TSHZ3: variants seen among roughly 807,000 people sequenced by gnomAD.
TSHZ3 encodes the protein teashirt homolog 3.
TSHZ3 carries 10 observed loss-of-function variants against 64.5 expected under a neutral mutation model. The observed-to-expected ratio is 0.16, with a 90% CI of 0.10 to 0.26. The LOEUF (loss-of-function observed/expected upper bound fraction) is 0.26, where lower values mean the gene tolerates loss of function less well. TSHZ3 is among the 10% of genes least tolerant of loss of function. The pLI is 1.00. For missense variants in TSHZ3, 1,242 were observed against 1,421.7 expected (o/e 0.87, Z 2.03); for synonymous variants, 608 against 593.1 (o/e 1.03, Z -0.36).
In TSHZ3 at chr19:31,300,568, G is replaced by A. The variant is rs142213714; in HGVS notation, c.41-20816C>T. Reference sequence around the variant, plus strand: ...CCTAGGGAGGGATGGCCCCAGGAGAGCTGGCCCAGGTCCAGGCCTCTCTAA... The same window carrying A: ...CCTAGGGAGGGATGGCCCCAGGAGAACTGGCCCAGGTCCAGGCCTCTCTAA... On this transcript the variant is annotated intron_variant, in intron 1 of 1. Coordinates refer to ENST00000240587, the MANE Select transcript of TSHZ3 (RefSeq NM_020856.4). 1.8e-4 allele frequency among the ~76,000 whole-genome samples: 27 copies of A among 152,296 alleles called. No homozygotes were observed. In the East Asian group the frequency reaches 4.2e-3, roughly 24 times the overall value.
At chr19:31,343,785 G>GT (rs5827763) in intron 1 of TSHZ3, among the ~76,000 whole-genome samples, 2,077 of 128,666 alleles carry the variant, frequency 0.016, 45 homozygotes, top group African/African-American at 0.053. Flanking sequence ...TTTTTTTTTT[G>GT]TTTTTTTTTT....
In TSHZ3 at chr19:31,180,859, C is replaced by A. The variant is rs149739063; in HGVS notation, n.809+24097G>T. ...TCCTGTGCAGAGGCTCACGCTGGGG[C>A]AGGCATGTAATTCTGTATCTACTAC... is the stretch of plus-strand genomic sequence containing the variant. On this transcript the variant is annotated intron_variant and non_coding_transcript_variant, in intron 5 of 6. Transcript: ENST00000651361. Among the ~76,000 whole-genome samples the A allele has an allele frequency of 7.9e-3, 1,209 of 152,282 alleles. 16 individuals are homozygous for A. Among genetic ancestry groups the A allele is most frequent in the African/African-American group, 0.026 (1,085 of 41,550 alleles).
intron 1 of TSHZ3, among the ~76,000 whole-genome samples, chr19:31,251,978 G>A (rs997897877): frequency 6.6e-6 from 1 of 152,200 alleles, no homozygotes; most frequent in Non-Finnish European, 1.5e-5. Flanking sequence ...GGCTGGAAGT[G>A]CATGGTTTTC....
chr19:31,252,282 C>T (rs889522640), intron 1 of TSHZ3, among the ~76,000 whole-genome samples: 5 of 152,158 alleles, frequency 3.3e-5, no homozygotes. Flanking sequence ...GGCTGCATCC[C>T]TGTAATCTCT....
intron 3 of TSHZ3, among the ~76,000 whole-genome samples, chr19:31,241,472 C>T (rs1472724771): frequency 1.3e-5 from 2 of 152,220 alleles, no homozygotes; most frequent in Non-Finnish European, 1.5e-5. Flanking sequence ...TCCTCCGTCA[C>T]TGTCAAAGCT....
At chr19:31,202,104 T>C (rs553952293) in intron 5 of TSHZ3, among the ~76,000 whole-genome samples, 39 of 152,188 alleles carry the variant, frequency 2.6e-4, no homozygotes, top group African/African-American at 8.9e-4. Context: ...AGGCGGAGGT[T>C]GCAGTGAGCT....
At chr19:31,256,850 G>T (rs531574498) in intron 1 of TSHZ3, among the ~76,000 whole-genome samples, 1 of 152,262 alleles carries the variant, frequency 6.6e-6, no homozygotes, top group South Asian at 2.1e-4. Flanking sequence ...TGTGTTCCCT[G>T]TCTCGATCTC....
intron 3 of TSHZ3, among the ~76,000 whole-genome samples, chr19:31,237,460 T>C (rs965329886): frequency 6.6e-6 from 1 of 152,156 alleles, no homozygotes; most frequent in African/African-American, 2.4e-5. Flanking sequence ...TATCCCCACT[T>C]GCACCTCTAA....
intron 5 of TSHZ3, among the ~76,000 whole-genome samples, chr19:31,160,258 T>A (rs1974358434): frequency 6.6e-6 from 1 of 152,162 alleles, no homozygotes; most frequent in Non-Finnish European, 1.5e-5. Flanking sequence ...GAGGCCTCCC[T>A]CTAGGTGGTG....
intron 5 of TSHZ3, among the ~76,000 whole-genome samples, chr19:31,180,229 GTGAATGAATGAATGAATGAACGAA>G (rs1974690783): frequency 6.6e-6 from 1 of 152,108 alleles, no homozygotes; most frequent in Non-Finnish European, 1.5e-5. Context: ...TGATTAGTGA[GTGAATGAATGAATGAATGAACGAA>G]TGAATGAATG....
chr19:31,150,697 C>CTGTT (rs1176622485), exon 7 of TSHZ3, among the ~76,000 whole-genome samples: 7 of 152,178 alleles, frequency 4.6e-5, no homozygotes, highest in African/African-American at 1.7e-4. Flanking sequence ...TTGGGCCCTG[C>CTGTT]TGTTTGGTAA....
In TSHZ3 at chr19:31,276,774, A is replaced by G. The variant is rs756399206; in HGVS notation, c.3019T>C (p.Ser1007Pro). The G allele has an allele frequency of 3.1e-6, 5 of 1,613,942 alleles. No homozygotes were observed. The African/African-American group carries it at 4.0e-5, about 13-fold the overall frequency. The part of the protein sequence containing the change: ...SHLGFRLRDL[S>P]KLSTEQINSQ... ...TTAATCTGTTCGGTGGACAGTTTGGATAAGTCCCGTAGCCGGAAGCCTAAG... is the reference window on the plus strand; with the variant it reads ...TTAATCTGTTCGGTGGACAGTTTGGGTAAGTCCCGTAGCCGGAAGCCTAAG... The change falls in exon 2 of 2, where the codon TCC (serine) becomes CCC (proline). Residue 1007 changes from serine to proline, a missense_variant. Ser to Pro is a moderately conservative substitution (Grantham distance 74). Transcript: ENST00000240587.
rs747979552 is a variant in TSHZ3, at chr19:31,278,435, G to A, written c.1358C>T (p.Thr453Met). 3.4e-5 allele frequency: 55 copies of A among 1,614,032 alleles called. 1 individual carries two copies. The South Asian group carries it at 5.2e-4, about 15-fold the overall frequency. ...QSVPLAATTF[T>M]SPSNTPASIS... ...GCTGGCAGGTGTATTGGAGGGGGAC[G>A]TGAAGGTGGTGGCTGCCAGGGGCAC... The change falls in exon 2 of 2, where the codon ACG becomes ATG. Residue 453 changes from threonine to methionine, a missense_variant. Transcript: ENST00000240587. The surrounding 1 kb of genome is among the most constrained non-coding windows in gnomAD (Gnocchi z 4.7).
intron 1 of TSHZ3, among the ~76,000 whole-genome samples, chr19:31,289,746 C>G (rs1055605798): frequency 1.3e-5 from 2 of 152,122 alleles, no homozygotes; most frequent in African/African-American, 4.8e-5. Context: ...CCTGTAGCCC[C>G]TAGCCCCCAA....
At chr19:31,290,431 T>C (rs1217479500) in intron 1 of TSHZ3, among the ~76,000 whole-genome samples, 1 of 151,926 alleles carries the variant, frequency 6.6e-6, no homozygotes, top group Non-Finnish European at 1.5e-5. Context: ...GGAGGGGGCT[T>C]AGCTAAACAC....
intron 1 of TSHZ3, among the ~76,000 whole-genome samples, chr19:31,255,916 G>A (rs914844937): frequency 1.3e-5 from 2 of 152,150 alleles, no homozygotes; most frequent in Non-Finnish European, 2.9e-5. Context: ...TTGGGAAGAA[G>A]CTCAATGTTC....
At position 31,206,073 on chromosome 19, in the gene TSHZ3, TG is replaced by T. The variant is rs879308177; in HGVS notation, n.687-996del. ...GAAGATAAATGAATAGATGGATGGGTGAAATGGATGGATGGATGGATGGATG... is the reference window on the plus strand; with the variant it reads ...GAAGATAAATGAATAGATGGATGGGTAAATGGATGGATGGATGGATGGATG... On this transcript the variant is annotated intron_variant and non_coding_transcript_variant, in intron 4 of 6. Coordinates refer to the TSHZ3 transcript ENST00000651361. Among the ~76,000 whole-genome samples the T allele has an allele frequency of 9.6e-3, 1,340 of 139,600 alleles. 2 individuals carry two copies. The highest frequency in any genetic ancestry group is 0.016 in the South Asian group (62 of 3,972). 91.6% of individuals were successfully genotyped at this position (139,600 alleles called of 152,430 possible).
chr19:31,260,248 T>C (rs1004962986), intron 1 of TSHZ3, among the ~76,000 whole-genome samples: 4 of 152,152 alleles, frequency 2.6e-5, no homozygotes, highest in Non-Finnish European at 5.9e-5. Flanking sequence ...TGCTCTGTCC[T>C]GCCCAGTCCC....
intron 3 of TSHZ3, among the ~76,000 whole-genome samples, chr19:31,230,764 A>G (rs1181610794): frequency 6.8e-6 from 1 of 146,434 alleles, no homozygotes; most frequent in African/African-American, 2.6e-5. Context: ...CAGTGGCCCA[A>G]TCTCGGCTCA....
Sources: allele counts gnomAD v4.1 joint callset (sites outside exome capture counted in the v4.1 genomes callset), GRCh38; gene constraint gnomAD v4.1.1; non-coding constraint Gnocchi (gnomAD v3.1); transcripts MANE v1.5; gene names NCBI Gene and HGNC (gene_info 2026-07-23, HGNC 2026-07-21).